Variants in PDLIM2 observed in about 807,000 individuals in gnomAD.
PDLIM2 encodes PDZ and LIM domain protein 2.
In PDLIM2, 51 loss-of-function variants were observed where a neutral mutation model predicts 54.1. The observed-to-expected ratio is 0.94, with a 90% CI of 0.75 to 1.19. The LOEUF (loss-of-function observed/expected upper bound fraction) is 1.19, where lower values mean the gene tolerates loss of function less well. Among genes scored for constraint, PDLIM2 ranks in the 50% most tolerant of loss-of-function variants. The pLI is 0.00. For synonymous variants in PDLIM2, 398 were observed against 385.6 expected (o/e 1.03, Z -0.38); for missense variants, 912 against 874.0 (o/e 1.04, Z -0.55).
chr8:22,588,614 G>A (rs1283266600), intron 6 of PDLIM2: 3 of 152,380 alleles, frequency 2.0e-5, no homozygotes, highest in Non-Finnish European at 2.9e-5. Context: ...TCCATGTTGG[G>A]AGCAAATTTA....
intron 9 of PDLIM2, 99 bp downstream of exon 8, chr8:22,591,767 G>A (rs1017487564): frequency 3.6e-6 from 4 of 1,125,212 alleles, no homozygotes; most frequent in Middle Eastern, 3.0e-4. Flanking sequence ...CCCATCAGGG[G>A]CTAGCACTGG....
chr8:22,578,782 G>A, exon 1 of PDLIM2: 1 of 1,234,062 alleles, frequency 8.1e-7, no homozygotes, highest in Non-Finnish European at 1.0e-6. Context: ...ACCTGGGGAT[G>A]CGGGGCGGGA....
intron 2 of PDLIM2, 28 bp from the exon 2 acceptor site, chr8:22,581,351 T>C: frequency 6.3e-7 from 1 of 1,575,806 alleles, no homozygotes; most frequent in Non-Finnish European, 8.6e-7. Context: ...GGCCACGGTC[T>C]GAGCATGCCA....
Position 22,579,218 on chromosome 8 carries a change from C to T in PDLIM2, c.439C>T (p.Gln147Ter). 7.2e-7 allele frequency: 1 copy of T among 1,384,032 alleles called. No homozygotes were observed. The highest frequency in any genetic ancestry group is 9.3e-7 in the Non-Finnish European group (1 of 1,071,940). The allele number at this position is 1,384,032 out of a possible 1,614,324, so 85.7% of individuals were successfully genotyped here. Residue 147 changes from glutamine (Q) to a stop codon, truncating the protein, a stop_gained, in exon 1 of 10, where the codon CAG (glutamine) becomes TAG (stop). Coordinates refer to ENST00000308354, the Ensembl canonical transcript of PDLIM2. LOFTEE classifies it high-confidence loss of function. ...GGCGCCCAGCCGGACAGGTGAGCGG[C>T]AGCCAGGTGAGCGCGCCCACCTGCG... is the stretch of plus-strand genomic sequence containing the variant.
intron 7 of PDLIM2, 94 bp from the exon 7 acceptor site, chr8:22,589,501 TC>T (rs1361545493): frequency 6.7e-7 from 1 of 1,503,348 alleles, no homozygotes; most frequent in Non-Finnish European, 9.0e-7. Flanking sequence ...CCCAGATTCC[TC>T]CCCCTCCCCC....
chr8:22,594,748 T>C, downstream of PDLIM2: 1 of 1,480,828 alleles, frequency 6.8e-7, no homozygotes, highest in East Asian at 2.3e-5. Context: ...TGGGAGAGAC[T>C]GCTGGCTTCA....
chr8:22,578,874 G>C, exon 1 of PDLIM2: 1 of 1,235,432 alleles, frequency 8.1e-7, no homozygotes, highest in Non-Finnish European at 1.0e-6. Flanking sequence ...TCCCTGGACC[G>C]GCTCTGCTGT....
chr8:22,579,673 G>C, intron 1 of PDLIM2: 2 of 1,010,098 alleles, frequency 2.0e-6, no homozygotes, highest in Non-Finnish European at 2.7e-6. Context: ...GATTCTCGCA[G>C]CACTTGCGTC....
At chr8:22,582,989 C>G (rs1586920562) in intron 3 of PDLIM2, among the ~76,000 whole-genome samples, 1 of 144,996 alleles carries the variant, frequency 6.9e-6, no homozygotes, top group Admixed American at 7.2e-5. Context: ...GGGCAGGAAG[C>G]AGGGCTCCAG....
chr8:22,590,478 T>G (rs1800511661), intron 8 of PDLIM2: 1 of 152,088 alleles, frequency 6.6e-6, no homozygotes, highest in Non-Finnish European at 1.5e-5. Flanking sequence ...CCTGGCCAGC[T>G]CCCATGGAAG....
chr8:22,581,467 T>A (rs1800203386), exon 3 of PDLIM2: 1 of 1,606,742 alleles, frequency 6.2e-7, no homozygotes, highest in South Asian at 1.1e-5. Flanking sequence ...GAGGGCATGC[T>A]GCATGCCGAG....
chr8:22,589,916 TC>T, intron 8 of PDLIM2, 175 bp downstream of exon 7: 2 of 362,420 alleles, frequency 5.5e-6, no homozygotes, highest in Non-Finnish European at 9.2e-6. Context: ...GAGCTGACGG[TC>T]CGGGAGGGTC....
At chr8:22,579,502 C>A (rs1428478390) in exon 1 of PDLIM2, 3 of 1,509,170 alleles carry the variant, frequency 2.0e-6, no homozygotes, top group African/African-American at 2.8e-5. Context: ...GCGCCCGCAG[C>A]GCGGAGTCCA....
At chr8:22,589,819 C>A (rs952813985) in intron 8 of PDLIM2, 78 bp downstream of exon 7, 21 of 1,529,712 alleles carry the variant, frequency 1.4e-5, no homozygotes, top group Middle Eastern at 3.4e-4. Flanking sequence ...GTCAGTGAAC[C>A]AGTGTTCTTA....
rs561716540 is a variant in PDLIM2 at position 22,582,294 on chromosome 8, C to T, written c.995+764C>T. On this transcript the variant is annotated intron_variant, in intron 3 of 9. Coordinates refer to ENST00000308354, the Ensembl canonical transcript of PDLIM2. ...ACCAAGCCCCTCCTTCTCCAACTGC[C>T]CTGCCCTGTGGTGTGGCAGAAGCCG... 1.1e-4 allele frequency among the ~76,000 whole-genome samples: 17 copies of T among 152,358 alleles called. No individual in the cohort carries two copies. The South Asian group carries it at 3.5e-3, about 32-fold the overall frequency.
At chr8:22,591,390 G>A (rs1776981571) in intron 8 of PDLIM2, 161 bp from the exon 8 acceptor site, 3 of 686,704 alleles carry the variant, frequency 4.4e-6, no homozygotes, top group African/African-American at 3.5e-5. Context: ...CTCAGCCATG[G>A]ATCTGGCAAG....
At chr8:22,591,849 A>T in intron 9 of PDLIM2, 181 bp downstream of exon 8, 1 of 538,240 alleles carries the variant, frequency 1.9e-6, no homozygotes, top group Non-Finnish European at 3.2e-6. Context: ...GCTTCTTAGG[A>T]GCCTAGGCTA....
At chr8:22,587,006 G>C (rs574451412) in intron 6 of PDLIM2, among the ~76,000 whole-genome samples, 1 of 152,294 alleles carries the variant, frequency 6.6e-6, no homozygotes, top group African/African-American at 2.4e-5. Flanking sequence ...CTGGGCCTCA[G>C]GTCAGACTAG....
chr8:22,581,321 G>A, intron 2 of PDLIM2, 58 bp from the exon 2 acceptor site: 1 of 1,538,586 alleles, frequency 6.5e-7, no homozygotes, highest in South Asian at 1.2e-5. Context: ...TAGCAGAGTG[G>A]GAAGTCCCTT....
Sources: allele counts gnomAD v4.1 joint callset (sites outside exome capture counted in the v4.1 genomes callset), GRCh38; gene constraint gnomAD v4.1.1; transcripts MANE v1.5; gene names NCBI Gene and HGNC (gene_info 2026-07-23, HGNC 2026-07-21).